CHN2: variants seen among roughly 807,000 people sequenced by gnomAD.
CHN2 encodes chimerin 2.
In CHN2, 35 loss-of-function variants were observed where a neutral mutation model predicts 56.3. That is an observed-to-expected ratio of 0.62 (90% confidence interval 0.47 to 0.82). The LOEUF (loss-of-function observed/expected upper bound fraction) is 0.82, where lower values mean the gene tolerates loss of function less well. CHN2 is among the 40% of genes least tolerant of loss of function. CHN2 has a pLI of 0.00. For synonymous variants in CHN2, 210 were observed against 212.8 expected, an observed-to-expected ratio of 0.99 and a Z score of 0.12; for missense variants, 491 against 580.5, an observed-to-expected ratio of 0.85 and a Z score of 1.58.
At chr7:29,508,261 A>G (rs1790836806) in intron 11 of CHN2, among the ~76,000 whole-genome samples, 1 of 151,870 alleles carries the variant, frequency 6.6e-6, no homozygotes, top group Non-Finnish European at 1.5e-5. Context: ...AGAGAGGAAT[A>G]GAGTGAAAAG....
intron 1 of CHN2, among the ~76,000 whole-genome samples, chr7:29,269,283 A>G (rs553677986): frequency 3.9e-5 from 6 of 152,264 alleles, no homozygotes; most frequent in South Asian, 2.1e-4. Context: ...GCTCTCACAT[A>G]TGAGTGAGAA....
intron 1 of CHN2, among the ~76,000 whole-genome samples, chr7:29,330,842 A>G (rs962802627): frequency 2.0e-5 from 3 of 152,320 alleles, no homozygotes; most frequent in African/African-American, 7.2e-5. Context: ...CAGTGAGTCC[A>G]TTTAAAGGTG....
At position 29,275,025 on chromosome 7, in the gene CHN2, T is replaced by A. The variant is rs1190586311; in HGVS notation, c.50-79600T>A. On this transcript the variant is annotated intron_variant, in intron 1 of 12. Transcript: ENST00000222792. ...CTTTGTCCCCTGCTAAACCTAACTGTAGCGTGCAAGCCACACACTAGGGAA... is the reference window on the plus strand; with the variant it reads ...CTTTGTCCCCTGCTAAACCTAACTGAAGCGTGCAAGCCACACACTAGGGAA... Among the ~76,000 whole-genome samples the A allele has an allele frequency of 2.0e-5, 3 of 152,120 alleles. 1 individual carries two copies. Among genetic ancestry groups the A allele is most frequent in the Non-Finnish European group, 1.5e-5 (1 of 68,022 alleles).
intron 1 of CHN2, among the ~76,000 whole-genome samples, chr7:29,285,270 A>T (rs919756132): frequency 6.6e-6 from 1 of 152,236 alleles, no homozygotes; most frequent in African/African-American, 2.4e-5. Context: ...CATAGGTGAT[A>T]CACAGAGCAA....
Position 29,158,348 on chromosome 7 carries a change from T to C in CHN2, c.274+11388T>C, listed in dbSNP as rs10259130. Among the ~76,000 whole-genome samples the C allele has an allele frequency of 6.5e-3, 995 of 152,326 alleles. 12 individuals carry two copies. Among genetic ancestry groups the C allele is most frequent in the African/African-American group, 0.023 (948 of 41,554 alleles). Reference sequence around the variant, plus strand: ...AAATAATTGCTACTTTTTATTGCTGTAGAGCAGATTAAATCAGATGATGTG... The same window carrying C: ...AAATAATTGCTACTTTTTATTGCTGCAGAGCAGATTAAATCAGATGATGTG... On this transcript the variant is annotated intron_variant, in intron 2 of 6. Coordinates refer to the CHN2 transcript ENST00000439384.
chr7:29,367,894 CTAATTA>C, intron 2 of CHN2, 32 bp from the exon 3 acceptor site: 1 of 1,573,846 alleles, frequency 6.4e-7, no homozygotes. Flanking sequence ...TATTCTAATT[CTAATTA>C]TTTCTCTCTC....
intron 1 of CHN2, among the ~76,000 whole-genome samples, chr7:29,331,780 G>T (rs1301044992): frequency 6.6e-6 from 1 of 152,116 alleles, no homozygotes; most frequent in Non-Finnish European, 1.5e-5. Flanking sequence ...TACAATTTGG[G>T]GCCAGGTGTG....
chr7:29,398,534 AC>A (rs1778475109), intron 5 of CHN2, 48 bp downstream of exon 5: 2 of 1,194,078 alleles, frequency 1.7e-6, no homozygotes, highest in South Asian at 2.4e-5. Context: ...AAGTGGCTTC[AC>A]TGATGTTTGC....
chr7:29,454,436 G>A (rs1245908021), intron 6 of CHN2, among the ~76,000 whole-genome samples: 1 of 152,206 alleles, frequency 6.6e-6, no homozygotes, highest in African/African-American at 2.4e-5. Context: ...TTTTGTATGT[G>A]AAGGGCCCTG....
chr7:29,166,452 T>C (rs980295726), intron 2 of CHN2, among the ~76,000 whole-genome samples: 4 of 151,820 alleles, frequency 2.6e-5, no homozygotes, highest in Admixed American at 2.0e-4. Flanking sequence ...ATGTGTTTTC[T>C]GGGTTTTTGT....
chr7:29,507,205 T>G lies in CHN2; in HGVS notation c.992-23T>G, dbSNP rs377357362. 3.8e-6 allele frequency: 6 copies of G among 1,595,590 alleles called. No individual in the cohort carries two copies. The African/African-American group carries it at 8.1e-5, about 22-fold the overall frequency. ...GGTGAAATAAGGTCCTAATTAGGAC[T>G]TGGATCACTGATTGTTTTTCAGATG... On this transcript the variant is annotated intron_variant, in intron 10 of 12. Coordinates refer to ENST00000222792, the MANE Select transcript of CHN2 (RefSeq NM_004067.4).
chr7:29,218,283 G>A (rs1357470244), intron 1 of CHN2, among the ~76,000 whole-genome samples: 1 of 150,904 alleles, frequency 6.6e-6, no homozygotes. Context: ...GCCTCGTGAA[G>A]GTAGGCATGT....
chr7:29,505,287 T>C (rs908208150), intron 10 of CHN2, among the ~76,000 whole-genome samples: 8 of 152,168 alleles, frequency 5.3e-5, no homozygotes, highest in Non-Finnish European at 1.2e-4. Context: ...AAAATATGGG[T>C]CACTGGGACC....
intron 6 of CHN2, among the ~76,000 whole-genome samples, chr7:29,425,728 G>A (rs1419181948): frequency 6.6e-6 from 1 of 151,874 alleles, no homozygotes; most frequent in Non-Finnish European, 1.5e-5. Context: ...GATCAATACT[G>A]TATATAAAAA....
chr7:29,357,957 T>C (rs1164617432), intron 2 of CHN2, among the ~76,000 whole-genome samples: 1 of 152,222 alleles, frequency 6.6e-6, no homozygotes, highest in East Asian at 1.9e-4. Context: ...TACTGATGTC[T>C]AACTCATTAT....
At chr7:29,167,621 C>T (rs1452859072) in intron 2 of CHN2, among the ~76,000 whole-genome samples, 1 of 152,174 alleles carries the variant, frequency 6.6e-6, no homozygotes, top group African/African-American at 2.4e-5. Flanking sequence ...CCAATTTACT[C>T]TTCAGTCAAA....
chr7:29,319,486 AG>A (rs1401907232), intron 1 of CHN2, among the ~76,000 whole-genome samples: 2 of 152,218 alleles, frequency 1.3e-5, no homozygotes, highest in Non-Finnish European at 2.9e-5. Flanking sequence ...CTCTGGAGCC[AG>A]GCATGGTGCA....
intron 1 of CHN2, among the ~76,000 whole-genome samples, chr7:29,218,004 A>T (rs1417998421): frequency 6.6e-6 from 1 of 152,052 alleles, no homozygotes; most frequent in East Asian, 1.9e-4. Flanking sequence ...CATGAAATTG[A>T]CTGGTAGAGT....
chr7:29,232,932 C>A (rs1329607434), intron 1 of CHN2, among the ~76,000 whole-genome samples: 1 of 152,124 alleles, frequency 6.6e-6, no homozygotes, highest in Non-Finnish European at 1.5e-5. Flanking sequence ...ATGGTCCAAC[C>A]TTTTTAACAT....
Sources: gnomAD v4.1 joint callset for allele counts (sites outside exome capture counted in the v4.1 genomes callset) on GRCh38, gnomAD v4.1.1 for gene constraint, MANE v1.5 for transcripts, NCBI Gene and HGNC (gene_info 2026-07-23, HGNC 2026-07-21) for gene names.